Variants in APPL2 observed in about 807,000 individuals in gnomAD.
The protein encoded by APPL2 is adaptor protein, phosphotyrosine interacting with PH domain and leucine zipper 2.
APPL2 carries 84 observed loss-of-function variants against 92.7 expected under a neutral mutation model. The observed-to-expected ratio is 0.91, with a 90% CI of 0.76 to 1.09. The LOEUF (loss-of-function observed/expected upper bound fraction) is 1.09. Ranked by LOEUF, APPL2 falls within the 50% of genes least tolerant of loss-of-function variation. APPL2 has a pLI of 0.00. For synonymous variants in APPL2, 291 were observed against 291.0 expected, an observed-to-expected ratio of 1.00 and a Z score of 0.00; for missense variants, 736 against 824.5, an observed-to-expected ratio of 0.89 and a Z score of 1.31.
At position 105,188,379 on chromosome 12, in the gene APPL2, TAG is replaced by T. The variant is rs768541477; in HGVS notation, c.1526_1527del (p.Thr509AsnfsTer2). On this transcript the variant is annotated frameshift_variant, in exon 17 of 21. Transcript: ENST00000258530. LOFTEE classifies it high-confidence loss of function. ...LGSMAVKTDS[T>X]TEVIYEAMRQ... is the part of the protein sequence containing the mutation. Reference sequence around the variant, plus strand: ...CTCATCGCTTCATAAATCACTTCAGTAGTGCTGTCTGTTTTAACTGCCATTGA... The same window carrying T: ...CTCATCGCTTCATAAATCACTTCAGTTGCTGTCTGTTTTAACTGCCATTGA... 6 of 1,614,200 alleles carry T rather than the reference TAG, an allele frequency of 3.7e-6. No homozygotes were observed. The East Asian group carries it at 1.1e-4, about 30-fold the overall frequency.
chr12:105,216,770 A>G (rs953861704), intron 4 of APPL2, among the ~76,000 whole-genome samples: 1 of 152,230 alleles, frequency 6.6e-6, no homozygotes, highest in East Asian at 1.9e-4. Flanking sequence ...CTACATATTC[A>G]TGGTAATTTA....
At chr12:105,197,318 A>G (rs1181354997) in intron 11 of APPL2, among the ~76,000 whole-genome samples, 1 of 152,166 alleles carries the variant, frequency 6.6e-6, no homozygotes, top group Non-Finnish European at 1.5e-5. Flanking sequence ...GCTGCAGTGG[A>G]GTACACTTCT....
chr12:105,187,168 A>C lies in APPL2; in HGVS notation c.1634+1105T>G, dbSNP rs935250. Among the ~76,000 whole-genome samples the C allele has an allele frequency of 6.7e-3, 1,017 of 152,338 alleles. 13 individuals carry two copies. Among genetic ancestry groups the C allele is most frequent in the African/African-American group, 0.023 (946 of 41,584 alleles). ...CCCATTTCTGTAAAAGGTCCAGGACATAGTGAAAGAACAGGTTTTATTAAT... is the reference window on the plus strand; with the variant it reads ...CCCATTTCTGTAAAAGGTCCAGGACCTAGTGAAAGAACAGGTTTTATTAAT... On this transcript the variant is annotated intron_variant, in intron 17 of 20. Transcript: ENST00000258530.
chr12:105,185,459 T>C (rs991115205), intron 17 of APPL2, among the ~76,000 whole-genome samples: 1 of 152,024 alleles, frequency 6.6e-6, no homozygotes, highest in Non-Finnish European at 1.5e-5. Flanking sequence ...CTGGGCTGGA[T>C]AGGTCTGTCC....
chr12:105,220,391 C>T (rs1282660518), intron 2 of APPL2, among the ~76,000 whole-genome samples: 1 of 152,192 alleles, frequency 6.6e-6, no homozygotes, highest in Non-Finnish European at 1.5e-5. Flanking sequence ...TCTGATATAA[C>T]TTTATTTACA....
chr12:105,232,297 C>T (rs1034347997), intron 1 of APPL2, among the ~76,000 whole-genome samples: 45 of 152,262 alleles, frequency 3.0e-4, no homozygotes, highest in African/African-American at 1.0e-3. Context: ...AATCCAAGCA[C>T]CCTATGCACA....
rs762798197 is a variant in APPL2 at position 105,211,333 on chromosome 12, T to C, written c.286-16A>G. ...GAAGATTAAGCTGAAAGAAAGAGAATGGTATTCAAGTAAATTAAATACATT... is the reference window on the plus strand; with the variant it reads ...GAAGATTAAGCTGAAAGAAAGAGAACGGTATTCAAGTAAATTAAATACATT... On this transcript the variant is annotated splice_polypyrimidine_tract_variant and intron_variant, in intron 4 of 20. Coordinates refer to ENST00000258530, the MANE Select transcript of APPL2 (RefSeq NM_018171.5). The C allele has an allele frequency of 1.3e-6, 2 of 1,563,544 alleles. No individual in the cohort carries two copies. The highest frequency in any genetic ancestry group is 1.7e-5 in the Admixed American group (1 of 59,832).
chr12:105,194,325 T>G (rs927316521), intron 14 of APPL2, among the ~76,000 whole-genome samples: 2 of 152,232 alleles, frequency 1.3e-5, no homozygotes, highest in East Asian at 1.9e-4. Context: ...GAAAGCTGTA[T>G]GCATGAAAAT....
intron 11 of APPL2, among the ~76,000 whole-genome samples, chr12:105,196,425 CTTTTTTTTTTTT>C (rs59820038): frequency 1.6e-4 from 13 of 83,812 alleles, no homozygotes; most frequent in African/African-American, 2.4e-4. Context: ...GGCGTTAACT[CTTTTTTTTTTTT>C]TTTTTTTTTT....
At chr12:105,223,426 G>A (rs1890265393) in intron 2 of APPL2, among the ~76,000 whole-genome samples, 1 of 152,162 alleles carries the variant, frequency 6.6e-6, no homozygotes, top group Non-Finnish European at 1.5e-5. Context: ...AGGACCCCAA[G>A]ACTTCAGGGA....
chr12:105,204,095 G>A (rs1366381640), intron 8 of APPL2, among the ~76,000 whole-genome samples: 1 of 152,216 alleles, frequency 6.6e-6, no homozygotes, highest in Non-Finnish European at 1.5e-5. Context: ...GAGAGGGGAA[G>A]AAGAACATTT....
At position 105,197,928 on chromosome 12, in the gene APPL2, A is replaced by G. The variant is rs1461894115; in HGVS notation, c.889T>C (p.Trp297Arg). Residue 297 changes from tryptophan (W) to arginine (R), a missense_variant, in exon 11 of 21, where the codon TGG (tryptophan) becomes CGG (arginine). Physicochemically the swap from Trp to Arg is moderately radical, Grantham distance 101. Coordinates refer to ENST00000258530, the MANE Select transcript of APPL2 (RefSeq NM_018171.5). ...RNKTGLVTTT[W>R]ERLYFFTQGG... Reference sequence around the variant, plus strand: ...TGGGTGAAGAAATAAAGCCTCTCCCAGGTGGTGGTGACCAGCCCTGTTTTG... The same window carrying G: ...TGGGTGAAGAAATAAAGCCTCTCCCGGGTGGTGGTGACCAGCCCTGTTTTG... The G allele has an allele frequency of 6.2e-7, 1 of 1,614,116 alleles. No individual in the cohort carries two copies. Among genetic ancestry groups the G allele is most frequent in the South Asian group, 1.1e-5 (1 of 91,076 alleles).
At chr12:105,192,538 C>T (rs1308361290) in intron 14 of APPL2, among the ~76,000 whole-genome samples, 6 of 140,578 alleles carry the variant, frequency 4.3e-5, no homozygotes, top group African/African-American at 1.0e-4. Flanking sequence ...CTCAGATATA[C>T]TAAGATCTTC....
chr12:105,217,612 C>G, intron 3 of APPL2, 54 bp downstream of exon 3: 4 of 1,562,430 alleles, frequency 2.6e-6, no homozygotes, highest in Non-Finnish European at 3.5e-6. Context: ...GATAATTCCA[C>G]TTAAGAAAGT....
chr12:105,182,115 C>A (rs1046188600), intron 17 of APPL2, among the ~76,000 whole-genome samples: 2 of 152,248 alleles, frequency 1.3e-5, no homozygotes, highest in East Asian at 3.9e-4. Flanking sequence ...ACCTCCACCT[C>A]CCTGGGTTCA....
At chr12:105,218,627 G>T (rs892252108) in intron 2 of APPL2, among the ~76,000 whole-genome samples, 2 of 152,192 alleles carry the variant, frequency 1.3e-5, no homozygotes, top group African/African-American at 4.8e-5. Context: ...AGAGCTGTGC[G>T]CTTGGAGGTG....
At chr12:105,191,583 C>T (rs1032530341) in intron 14 of APPL2, among the ~76,000 whole-genome samples, 1 of 152,048 alleles carries the variant, frequency 6.6e-6, no homozygotes, top group East Asian at 1.9e-4. Flanking sequence ...GCCCTTATAC[C>T]GTCAGGTGGG....
chr12:105,174,175 T>C lies in APPL2; in HGVS notation c.*139A>G, dbSNP rs1479406931. The C allele has an allele frequency of 9.7e-7, 1 of 1,032,834 alleles. No individual in the cohort carries two copies. The highest frequency in any genetic ancestry group is 2.7e-5 in the East Asian group (1 of 37,600). The allele number at this position is 1,032,834 out of a possible 1,614,324, so 64.0% of individuals were successfully genotyped here. Reference sequence around the variant, plus strand: ...TTAGTTTCCCTCCCAAGTCTCAGTATCAAGGCATCAAGATTACATTCCACA... The same window carrying C: ...TTAGTTTCCCTCCCAAGTCTCAGTACCAAGGCATCAAGATTACATTCCACA... On this transcript the variant is annotated 3_prime_UTR_variant, in exon 21 of 21. Transcript: ENST00000258530.
chr12:105,214,341 C>T (rs1440732146), intron 4 of APPL2, among the ~76,000 whole-genome samples: 1 of 152,200 alleles, frequency 6.6e-6, no homozygotes, highest in Non-Finnish European at 1.5e-5. Context: ...AACCGCGTTT[C>T]CTTAGCAACT....
Sources: gnomAD v4.1 joint callset for allele counts (sites outside exome capture counted in the v4.1 genomes callset) on GRCh38, gnomAD v4.1.1 for gene constraint, MANE v1.5 for transcripts, NCBI Gene and HGNC (gene_info 2026-07-23, HGNC 2026-07-21) for gene names.